ZFYVE1: variants seen among roughly 807,000 people sequenced by gnomAD.
ZFYVE1 encodes the protein zinc finger FYVE domain-containing protein 1.
In ZFYVE1, 30 loss-of-function variants were observed where a neutral mutation model predicts 74.4. The observed-to-expected ratio is 0.40, with a 90% CI of 0.30 to 0.55. The LOEUF (loss-of-function observed/expected upper bound fraction) is 0.55, where lower values mean the gene tolerates loss of function less well. ZFYVE1 is among the 20% of genes least tolerant of loss of function. ZFYVE1 has a pLI of 0.42. For synonymous variants in ZFYVE1, 335 were observed against 385.1 expected, an observed-to-expected ratio of 0.87 and a Z score of 1.52; for missense variants, 703 against 1,011.6, an observed-to-expected ratio of 0.69 and a Z score of 4.14.
At chr14:72,990,688 C>CTTTTT (rs1893587886) in intron 4 of ZFYVE1, among the ~76,000 whole-genome samples, 4 of 91,672 alleles carry the variant, frequency 4.4e-5, no homozygotes, top group Non-Finnish European at 9.2e-5. Flanking sequence ...CCGCACCTGG[C>CTTTTT]CTTTTTTTTT....
intron 4 of ZFYVE1, among the ~76,000 whole-genome samples, chr14:72,991,000 G>A (rs1037321956): frequency 2.2e-4 from 33 of 151,842 alleles, no homozygotes; most frequent in African/African-American, 7.3e-4. Context: ...CACCTCACCC[G>A]ACAGACCAGG....
intron 8 of ZFYVE1, among the ~76,000 whole-genome samples, chr14:72,976,910 C>G (rs1893187136): frequency 6.6e-6 from 1 of 152,094 alleles, no homozygotes; most frequent in South Asian, 2.1e-4. Context: ...TTAGGAATCA[C>G]CCAGCGAGGA....
Position 72,993,247 on chromosome 14 carries a change from G to A in ZFYVE1, c.1099C>T (p.Pro367Ser). The change falls in exon 4 of 12, where the codon CCT becomes TCT. Residue 367 changes from proline to serine, a missense_variant. Physicochemically the swap from Pro to Ser is moderately conservative, Grantham distance 74. Coordinates refer to ENST00000556143, the MANE Select transcript of ZFYVE1 (RefSeq NM_021260.4). ...CGAAGCCCAGAAAAGTCCGTGGGAG[G>A]GTTGTAAGTCCTCGTTCCCTTGTAG... ...IHYKGTRTYN[P>S]PTDFSGLRRA... is the part of the protein sequence containing the mutation. 6.2e-7 allele frequency: 1 copy of A among 1,613,884 alleles called. No homozygotes were observed. The highest frequency in any genetic ancestry group is 8.5e-7 in the Non-Finnish European group (1 of 1,179,988).
intron 2 of ZFYVE1, among the ~76,000 whole-genome samples, chr14:73,012,836 C>T (rs934558356): frequency 2.6e-5 from 4 of 152,122 alleles, no homozygotes; most frequent in African/African-American, 9.7e-5. Flanking sequence ...GAATGATACA[C>T]ATAAACTATA....
At position 73,024,165 on chromosome 14, in the gene ZFYVE1, C is replaced by G; in HGVS notation, c.344G>C (p.Arg115Thr). ...GACATTGTACACAGTAACAGGGTGT[C>G]TCCTTTTGTTACCCCCAGAATGAGT... ...KRTHSGGNKRRHPVTVYNVSN... is the reference protein window; with the variant it reads ...KRTHSGGNKRTHPVTVYNVSN... Residue 115 changes from arginine to threonine, a missense_variant, in exon 2 of 12, where the codon AGA becomes ACA. Arg to Thr is a moderately conservative substitution (Grantham distance 71, BLOSUM62 -1). Transcript: ENST00000556143. 1 of 1,614,214 alleles carries G rather than the reference C, an allele frequency of 6.2e-7. No individual in the cohort carries two copies. The highest frequency in any genetic ancestry group is 8.5e-7 in the Non-Finnish European group (1 of 1,180,050).
chr14:73,019,002 G>C (rs1280212448), intron 2 of ZFYVE1, among the ~76,000 whole-genome samples: 1 of 151,382 alleles, frequency 6.6e-6, no homozygotes, highest in Admixed American at 6.6e-5. Context: ...TGAATTAATG[G>C]ATGTCTTTGG....
At chr14:73,005,383 T>G (rs1421241073) in intron 2 of ZFYVE1, among the ~76,000 whole-genome samples, 2 of 152,204 alleles carry the variant, frequency 1.3e-5, no homozygotes, top group Non-Finnish European at 2.9e-5. Flanking sequence ...ATAGGTTACC[T>G]GGCCCTGAGC....
At position 72,997,896 on chromosome 14, in the gene ZFYVE1, G is replaced by A. The variant is rs1893783490; in HGVS notation, c.903C>T (p.Arg301=). 6.2e-7 allele frequency: 1 copy of A among 1,614,094 alleles called. No homozygotes were observed. The highest frequency in any genetic ancestry group is 8.5e-7 in the Non-Finnish European group (1 of 1,179,956). ...FTKELKATTA[R]CGLDVPLSTL... is the part of the protein sequence containing the mutation. The stretch of plus-strand genomic sequence containing the variant: ...TGGATAAAGGGACATCCAGGCCACA[G>A]CGAGCAGTGGTGGCCTTGAGCTCCT... The change falls in exon 3 of 12, where the codon CGC becomes CGT. Residue 301 remains arginine (R), a synonymous_variant. Coordinates refer to ENST00000556143, the MANE Select transcript of ZFYVE1 (RefSeq NM_021260.4).
At chr14:73,012,308 A>C (rs1370065189) in intron 2 of ZFYVE1, among the ~76,000 whole-genome samples, 1 of 152,162 alleles carries the variant, frequency 6.6e-6, no homozygotes, top group Non-Finnish European at 1.5e-5. Context: ...ATGAGTCACC[A>C]GGCCAGAATG....
Position 73,024,567 on chromosome 14 carries a change from G to A in ZFYVE1, c.-59C>T. ...AATAGTCACTGAGCTTGCCCCGGGG[G>A]TGAAGACGAAGATTTGAGTCTGAAG... On this transcript the variant is annotated 5_prime_UTR_variant, in exon 2 of 12. Coordinates refer to ENST00000556143, the MANE Select transcript of ZFYVE1 (RefSeq NM_021260.4). 4 of 1,520,764 alleles carry A rather than the reference G, an allele frequency of 2.6e-6. No individual in the cohort carries two copies. Among genetic ancestry groups the A allele is most frequent in the African/African-American group, 1.4e-5 (1 of 72,050 alleles). The allele number at this position is 1,520,764 out of a possible 1,614,324, so 94.2% of individuals were successfully genotyped here.
Position 73,024,342 on chromosome 14 carries a change from C to T in ZFYVE1, c.167G>A (p.Arg56Lys). The change falls in exon 2 of 12, where the codon AGA becomes AAA. Residue 56 changes from arginine (R) to lysine (K), a missense_variant. By Grantham distance (26) the Arg-to-Lys change is conservative. Transcript: ENST00000556143. Reference sequence around the variant, plus strand: ...TTTGAGTCTTATCCGCTCATGGTTTCTCAGGCGCTCCTGCCGATGGAGCTC... The same window carrying T: ...TTTGAGTCTTATCCGCTCATGGTTTTTCAGGCGCTCCTGCCGATGGAGCTC... ...EEELHRQERL[R>K]NHERIRLKPG... 1 of 1,614,148 alleles carries T rather than the reference C, an allele frequency of 6.2e-7. No homozygotes were observed. Among genetic ancestry groups the T allele is most frequent in the Non-Finnish European group, 8.5e-7 (1 of 1,180,032 alleles).
intron 4 of ZFYVE1, among the ~76,000 whole-genome samples, chr14:72,992,576 T>C (rs1235239362): frequency 6.6e-6 from 1 of 151,074 alleles, no homozygotes; most frequent in Non-Finnish European, 1.5e-5. Context: ...TGTTTTGTTT[T>C]GGTAATTTTC....
At chr14:72,992,626 C>CCCCCG (rs777800671) in intron 4 of ZFYVE1, among the ~76,000 whole-genome samples, 67 of 108,924 alleles carry the variant, frequency 6.2e-4, no homozygotes, top group South Asian at 4.2e-3. Context: ...CCCCCCCCGC[C>CCCCCG]CCTTGCAAGA....
chr14:73,020,279 A>G (rs61986551), intron 2 of ZFYVE1, among the ~76,000 whole-genome samples: 5 of 96,984 alleles, frequency 5.2e-5, no homozygotes, highest in Admixed American at 3.9e-4. Context: ...AAAAAAAAGG[A>G]AAGGAAAGGA....
At chr14:73,005,161 CAT>C (rs1893952412) in intron 2 of ZFYVE1, among the ~76,000 whole-genome samples, 1 of 152,128 alleles carries the variant, frequency 6.6e-6, no homozygotes, top group African/African-American at 2.4e-5. Flanking sequence ...ATCCTTAACA[CAT>C]GAGTATTTTT....
At chr14:72,987,066 G>T (rs1023257136) in intron 4 of ZFYVE1, 3 of 602,306 alleles carry the variant, frequency 5.0e-6, no homozygotes, top group Admixed American at 6.3e-5. Context: ...CTTGACAACA[G>T]TGTGGCTCTT....
At chr14:72,971,288 G>A (rs1391662598) in intron 11 of ZFYVE1, among the ~76,000 whole-genome samples, 174 bp from the exon 12 acceptor site, 1 of 152,216 alleles carries the variant, frequency 6.6e-6, no homozygotes, top group African/African-American at 2.4e-5. Flanking sequence ...CCAGATCAGA[G>A]TCTTTGGGGC....
chr14:73,002,433 A>G (rs61986541), intron 2 of ZFYVE1, among the ~76,000 whole-genome samples: 8,593 of 148,458 alleles, frequency 0.058, 327 homozygotes, highest in Non-Finnish European at 0.09. Context: ...ATCTCAATAC[A>G]GTTTTTGGTT....
intron 2 of ZFYVE1, among the ~76,000 whole-genome samples, chr14:73,010,343 T>G (rs1894062255): frequency 6.6e-6 from 1 of 152,166 alleles, no homozygotes; most frequent in Non-Finnish European, 1.5e-5. Context: ...GGCTCATGCC[T>G]GTAATCCCAG....
Sources: gnomAD v4.1 joint callset for allele counts (sites outside exome capture counted in the v4.1 genomes callset) on GRCh38, gnomAD v4.1.1 for gene constraint, MANE v1.5 for transcripts, NCBI Gene and HGNC (gene_info 2026-07-23, HGNC 2026-07-21) for gene names.